Variants in GZMM observed in about 807,000 individuals in gnomAD.
The protein encoded by GZMM is granzyme M, also known as HU-Met-1.
In GZMM, 23 loss-of-function variants were observed where a neutral mutation model predicts 19.2. The ratio of observed to expected loss-of-function variants is 1.20; its 90% CI spans 0.86 to 1.69. GZMM has a LOEUF of 1.69. Ranked by LOEUF, GZMM falls within the 40% of genes most tolerant of loss-of-function variation. The probability of loss-of-function intolerance (pLI) is 0.00; values close to 1 mark genes in which losing one functional copy is unlikely to be tolerated. For missense variants in GZMM, 373 were observed against 352.2 expected (o/e 1.06, Z -0.47); for synonymous variants, 178 against 160.2 (o/e 1.11, Z -0.84).
chr19:545,706 C>T (rs536568856), intron 1 of GZMM, among the ~76,000 whole-genome samples: 2 of 149,946 alleles, frequency 1.3e-5, no homozygotes, highest in East Asian at 2.0e-4. Context: ...TGCAATGGCA[C>T]GATCTCGGCT....
chr19:544,061 T>C lies in GZMM; in HGVS notation c.-11T>C. ...CCGGGGCCAGCACCCACACTGGGTCTCCACAGCGGCATGGAGGCCTGCGTG... is the reference window on the plus strand; with the variant it reads ...CCGGGGCCAGCACCCACACTGGGTCCCCACAGCGGCATGGAGGCCTGCGTG... On this transcript the variant is annotated 5_prime_UTR_variant, in exon 1 of 5. Transcript: ENST00000264553. 1 of 1,547,404 alleles carries C rather than the reference T, an allele frequency of 6.5e-7. No homozygotes were observed. Among genetic ancestry groups the C allele is most frequent in the Non-Finnish European group, 8.7e-7 (1 of 1,146,510 alleles).
At chr19:549,299 C>G in intron 4 of GZMM, 114 bp downstream of exon 4, 2 of 1,048,368 alleles carry the variant, frequency 1.9e-6, no homozygotes, top group Non-Finnish European at 2.7e-6. Flanking sequence ...CTGTCAGGGG[C>G]TGGGGGGCGG....
chr19:548,757 C>CCTCTGCCGACCCTCCCCCCG, intron 3 of GZMM, 80 bp downstream of exon 3: 1 of 1,180,066 alleles, frequency 8.5e-7, no homozygotes. Context: ...CGCCCTCCCC[C>CCTCTGCCGACCCTCCCCCCG]CGCTGCCGAC....
chr19:545,289 G>A (rs1980233103), intron 1 of GZMM, among the ~76,000 whole-genome samples: 1 of 152,160 alleles, frequency 6.6e-6, no homozygotes, highest in Non-Finnish European at 1.5e-5. Context: ...ACCAAGGGAG[G>A]AAGCCGGTGG....
Position 549,863 on chromosome 19 carries a change from G to GTTGTGT in GZMM, c.*73_*74insTGTGTT. 1 of 553,244 alleles carries GTTGTGT rather than the reference G, an allele frequency of 1.8e-6. No individual in the cohort carries two copies. The highest frequency in any genetic ancestry group is 3.3e-6 in the Non-Finnish European group (1 of 303,222). 34.3% of individuals were successfully genotyped at this position (553,244 alleles called of 1,614,324 possible). On this transcript the variant is annotated 3_prime_UTR_variant, in exon 5 of 5. Transcript: ENST00000264553. The stretch of plus-strand genomic sequence containing the variant: ...CCCCTCCAGGGGTGCAGTGGGGTGG[G>GTTGTGT]TGAGGACGGGTGGGAGGGACAGGGA...
Position 549,618 on chromosome 19 carries a change from T to C in GZMM, c.613-12T>C. 6.2e-7 allele frequency: 1 copy of C among 1,607,638 alleles called. No individual in the cohort carries two copies. The highest frequency in any genetic ancestry group is 8.5e-7 in the Non-Finnish European group (1 of 1,179,302). ...GGTGCAGAGGCTGAGCTGCGGTGTG[T>C]CGTCCCTGCAGGGTGACTCGGGCGG... On this transcript the variant is annotated splice_polypyrimidine_tract_variant and intron_variant, in intron 4 of 4. Transcript: ENST00000264553.
Position 549,641 on chromosome 19 carries a change from C to T in GZMM, c.624C>T (p.Gly208=), listed in dbSNP as rs1258706798. ...TGTCGTCCCTGCAGGGTGACTCGGG[C>T]GGGCCCCTGGTGTGTGGCAAAGGCC... ...KDQAPCKGDS[G]GPLVCGKGRV... The change falls in exon 5 of 5, where the codon GGC becomes GGT. Residue 208 remains glycine, a synonymous_variant. Coordinates refer to ENST00000264553, the MANE Select transcript of GZMM (RefSeq NM_005317.4). 16 of 1,612,272 alleles carry T rather than the reference C, an allele frequency of 9.9e-6. No homozygotes were observed. Among genetic ancestry groups the T allele is most frequent in the African/African-American group, 4.0e-5 (3 of 75,058 alleles).
chr19:544,480 G>A (rs973872246), intron 1 of GZMM, among the ~76,000 whole-genome samples: 10 of 152,080 alleles, frequency 6.6e-5, no homozygotes, highest in African/African-American at 2.2e-4. Flanking sequence ...GCTGGGACTC[G>A]ATCCCCGCTG....
At position 547,347 on chromosome 19, in the gene GZMM, C is replaced by T. The variant is rs151192827; in HGVS notation, c.123C>T (p.Ala41=). The change falls in exon 2 of 5, where the codon GCC becomes GCT. Residue 41 remains alanine, a synonymous_variant. Coordinates refer to ENST00000264553, the MANE Select transcript of GZMM (RefSeq NM_005317.4). ...TCCCCCACTCGCGCCCGTACATGGC[C>T]TCACTGCAGAGAAATGGCTCCCACC... ...EVIPHSRPYM[A]SLQRNGSHLC... 247 of 1,579,712 alleles carry T rather than the reference C, an allele frequency of 1.6e-4. No individual in the cohort carries two copies. In the African/African-American group the frequency reaches 2.8e-3, roughly 18 times the overall value.
At position 548,635 on chromosome 19, in the gene GZMM, C is replaced by A. The variant is rs776693904; in HGVS notation, c.306C>A (p.Tyr102Ter). The A allele has an allele frequency of 6.2e-7, 1 of 1,613,534 alleles. No individual in the cohort carries two copies. The highest frequency in any genetic ancestry group is 8.5e-7 in the Non-Finnish European group (1 of 1,179,808). The stretch of plus-strand genomic sequence containing the variant: ...AGGCAGCCATCCAGCACCCTCGCTA[C>A]AAGCCCGTCCCTGCCCTGGAGAACG... ...HIKAAIQHPR[Y>*]KPVPALENDL... Residue 102 changes from tyrosine (Y) to a stop codon, truncating the protein, a stop_gained, in exon 3 of 5, where the codon TAC (tyrosine) becomes TAA (stop). Coordinates refer to ENST00000264553, the MANE Select transcript of GZMM (RefSeq NM_005317.4). LOFTEE classifies it high-confidence loss of function.
intron 1 of GZMM, among the ~76,000 whole-genome samples, chr19:546,143 G>A (rs998496055): frequency 2.6e-5 from 4 of 152,166 alleles, no homozygotes; most frequent in Admixed American, 6.6e-5. Flanking sequence ...GCTGATTTAC[G>A]TTACATTATG....
chr19:547,924 G>A (rs963273594), intron 2 of GZMM, among the ~76,000 whole-genome samples: 18 of 152,162 alleles, frequency 1.2e-4, no homozygotes, highest in African/African-American at 4.3e-4. Flanking sequence ...CTCAGGACTG[G>A]TCCGTCATAC....
rs1377852775 is a variant in GZMM at position 549,703 on chromosome 19, T to A, written c.686T>A (p.Val229Asp). The A allele has an allele frequency of 1.9e-6, 3 of 1,613,760 alleles. No homozygotes were observed. The South Asian group carries it at 3.3e-5, about 18-fold the overall frequency. The change falls in exon 5 of 5, where the codon GTC becomes GAC. Residue 229 changes from valine to aspartate, a missense_variant. By Grantham distance (152) the Val-to-Asp change is radical. Transcript: ENST00000264553. Reference sequence around the variant, plus strand: ...AGAGTCCTGTCCTTCAGCTCCAGGGTCTGCACTGACATCTTCAAGCCTCCC... The same window carrying A: ...AGAGTCCTGTCCTTCAGCTCCAGGGACTGCACTGACATCTTCAAGCCTCCC... ...LARVLSFSSR[V>D]CTDIFKPPVA...
At chr19:546,195 T>G (rs1031812652) in intron 1 of GZMM, among the ~76,000 whole-genome samples, 1 of 152,252 alleles carries the variant, frequency 6.6e-6, no homozygotes, top group African/African-American at 2.4e-5. Context: ...AAAATAATTT[T>G]TGTACAGCTT....
At chr19:544,751 C>A (rs1266732811) in intron 1 of GZMM, among the ~76,000 whole-genome samples, 2 of 134,354 alleles carry the variant, frequency 1.5e-5, no homozygotes, top group Non-Finnish European at 3.2e-5. Flanking sequence ...CCCCTTCCTT[C>A]CCTCTACCCG....
intron 1 of GZMM, among the ~76,000 whole-genome samples, chr19:546,086 G>C (rs572936850): frequency 6.6e-6 from 1 of 151,258 alleles, no homozygotes; most frequent in African/African-American, 2.4e-5. Flanking sequence ...GCCCGCAAGC[G>C]GGGACTTGAT....
chr19:547,176 C>T, intron 1 of GZMM, 104 bp from the exon 2 acceptor site: 1 of 1,086,606 alleles, frequency 9.2e-7, no homozygotes, highest in Non-Finnish European at 1.3e-6. Context: ...ATTAGGATGG[C>T]ACATCTGCTT....
intron 1 of GZMM, among the ~76,000 whole-genome samples, 199 bp from the exon 2 acceptor site, chr19:547,081 A>T (rs1315722955): frequency 9.0e-5 from 5 of 55,526 alleles, no homozygotes; most frequent in Non-Finnish European, 1.5e-4. Context: ...GGGGAACATG[A>T]TGGGGGTGAT....
At chr19:545,079 C>T (rs1980219555) in intron 1 of GZMM, among the ~76,000 whole-genome samples, 1 of 152,136 alleles carries the variant, frequency 6.6e-6, no homozygotes, top group Non-Finnish European at 1.5e-5. Context: ...CCCATCCATC[C>T]ATCATCCATT....
Sources: gnomAD v4.1 joint callset for allele counts (sites outside exome capture counted in the v4.1 genomes callset) on GRCh38, gnomAD v4.1.1 for gene constraint, MANE v1.5 for transcripts, NCBI Gene and HGNC (gene_info 2026-07-23, HGNC 2026-07-21) for gene names.